Variants in PTPRM observed in about 807,000 individuals in gnomAD.
PTPRM encodes receptor-type tyrosine-protein phosphatase mu.
PTPRM carries 47 observed loss-of-function variants against 186.7 expected under a neutral mutation model. The observed-to-expected ratio is 0.25, with a 90% confidence interval of 0.20 to 0.32. The LOEUF (loss-of-function observed/expected upper bound fraction) is 0.32. Among genes scored for constraint, PTPRM ranks in the 10% least tolerant of loss-of-function variants. The pLI is 1.00. For synonymous variants in PTPRM, 668 were observed against 674.9 expected (o/e 0.99, Z 0.16); for missense variants, 1,494 against 1,865.0 (o/e 0.80, Z 3.66).
At chr18:8,088,190 A>G (rs773111197) in intron 10 of PTPRM, among the ~76,000 whole-genome samples, 1 of 152,140 alleles carries the variant, frequency 6.6e-6, no homozygotes, top group African/African-American at 2.4e-5. Context: ...TTCAGTTCCT[A>G]TGTGTTTTCC....
At chr18:7,927,454 T>C (rs1245306386) in intron 5 of PTPRM, among the ~76,000 whole-genome samples, 1 of 149,420 alleles carries the variant, frequency 6.7e-6, no homozygotes, top group African/African-American at 2.5e-5. Context: ...TCCTTATCTT[T>C]CCGTGTTTTG....
intron 1 of PTPRM, among the ~76,000 whole-genome samples, chr18:7,591,564 A>G (rs2037127036): frequency 6.6e-6 from 1 of 152,228 alleles, no homozygotes; most frequent in Non-Finnish European, 1.5e-5. Context: ...AAAGAGAGAG[A>G]ATATGCAAGC....
chr18:8,019,836 TTAAA>T (rs1280714781), intron 7 of PTPRM, among the ~76,000 whole-genome samples: 6 of 148,554 alleles, frequency 4.0e-5, no homozygotes, highest in Non-Finnish European at 5.9e-5. Flanking sequence ...ATATACTTGT[TTAAA>T]TATATAAATT....
chr18:7,707,328 CT>C (rs976136799), intron 1 of PTPRM, among the ~76,000 whole-genome samples: 1 of 152,022 alleles, frequency 6.6e-6, no homozygotes, highest in African/African-American at 2.4e-5. Context: ...TGCCAGGTAT[CT>C]AAAAATACTC....
chr18:8,281,463 G>A (rs575646163), intron 19 of PTPRM, among the ~76,000 whole-genome samples: 33 of 152,252 alleles, frequency 2.2e-4, no homozygotes, highest in East Asian at 1.5e-3. Flanking sequence ...AATCTGTGCC[G>A]TGCAGTAGGA....
intron 7 of PTPRM, among the ~76,000 whole-genome samples, chr18:8,035,674 A>T (rs1188043398): frequency 6.6e-6 from 1 of 151,724 alleles, no homozygotes; most frequent in Admixed American, 6.6e-5. Context: ...AAGAGGACAG[A>T]TCCCATGTTA....
At chr18:7,613,687 T>A (rs866084678) in intron 1 of PTPRM, among the ~76,000 whole-genome samples, 35 of 149,868 alleles carry the variant, frequency 2.3e-4, no homozygotes, top group African/African-American at 7.8e-4. Context: ...AAAAAAAAAA[T>A]ACCCTGAGAG....
intron 5 of PTPRM, among the ~76,000 whole-genome samples, chr18:7,932,066 A>C (rs1423616614): frequency 6.6e-6 from 1 of 152,216 alleles, no homozygotes; most frequent in Non-Finnish European, 1.5e-5. Context: ...AGGTTCCTGC[A>C]TTCCTTACTC....
intron 20 of PTPRM, among the ~76,000 whole-genome samples, chr18:8,298,962 A>T (rs563964934): frequency 2.0e-4 from 31 of 152,286 alleles, no homozygotes; most frequent in African/African-American, 7.2e-4. Flanking sequence ...AAAAAATTTT[A>T]AAAATTAGTT....
chr18:7,882,705 G>A (rs753590527), intron 2 of PTPRM, among the ~76,000 whole-genome samples: 9 of 152,230 alleles, frequency 5.9e-5, no homozygotes, highest in Non-Finnish European at 1.0e-4. Context: ...CTTCCTGCTG[G>A]ATAATGGAAA....
In PTPRM at chr18:8,253,429, T is replaced by A. The variant is rs1321191095; in HGVS notation, c.2754+15T>A. 1.4e-6 allele frequency: 2 copies of A among 1,435,026 alleles called. No homozygotes were observed. Among genetic ancestry groups the A allele is most frequent in the Non-Finnish European group, 1.8e-6 (2 of 1,085,994 alleles). The allele number at this position is 1,435,026 out of a possible 1,614,324, so 88.9% of individuals were successfully genotyped here. The stretch of plus-strand genomic sequence containing the variant: ...AGGAATACGAGGTGAGCACAAGCTC[T>A]GTGCCAGGGCTTTCCCATTCCTTCT... On this transcript the variant is annotated intron_variant, in intron 19 of 32. Transcript: ENST00000580170.
chr18:7,759,666 T>C (rs1254503880), intron 1 of PTPRM, among the ~76,000 whole-genome samples: 1 of 152,216 alleles, frequency 6.6e-6, no homozygotes, highest in Non-Finnish European at 1.5e-5. Flanking sequence ...TCCTTACTTG[T>C]GGATTGTTTA....
At chr18:8,352,622 TTTTTC>T (rs1280881744) in intron 23 of PTPRM, among the ~76,000 whole-genome samples, 1 of 116,230 alleles carries the variant, frequency 8.6e-6, no homozygotes, top group African/African-American at 2.9e-5. Flanking sequence ...GATTTCATTC[TTTTTC>T]TTTTCTTTTT....
intron 14 of PTPRM, among the ~76,000 whole-genome samples, chr18:8,203,469 A>C (rs2093885558): frequency 6.6e-6 from 1 of 152,222 alleles, no homozygotes; most frequent in Non-Finnish European, 1.5e-5. Context: ...TGATGACTTA[A>C]TGTGGTGCTT....
intron 19 of PTPRM, among the ~76,000 whole-genome samples, chr18:8,291,656 A>G (rs2095044315): frequency 6.6e-6 from 1 of 152,194 alleles, no homozygotes; most frequent in Non-Finnish European, 1.5e-5. Context: ...AGAAAAATGC[A>G]CGGGTGAACA....
intron 1 of PTPRM, among the ~76,000 whole-genome samples, chr18:7,694,625 C>A (rs942014008): frequency 6.6e-6 from 1 of 151,990 alleles, no homozygotes; most frequent in Non-Finnish European, 1.5e-5. Context: ...CAGAGTTTCA[C>A]CAGGTTGTCC....
chr18:7,586,289 AG>A (rs928480645), intron 1 of PTPRM, among the ~76,000 whole-genome samples: 1 of 152,146 alleles, frequency 6.6e-6, no homozygotes, highest in African/African-American at 2.4e-5. Flanking sequence ...TTGGTTAGTC[AG>A]GAGTCCACTA....
At chr18:8,274,060 C>G (rs2094804925) in intron 19 of PTPRM, among the ~76,000 whole-genome samples, 1 of 152,162 alleles carries the variant, frequency 6.6e-6, no homozygotes, top group Admixed American at 6.6e-5. Context: ...AGTACTTCTC[C>G]CAATAGATGG....
At chr18:7,891,029 C>T (rs2049046461) in intron 3 of PTPRM, among the ~76,000 whole-genome samples, 1 of 151,768 alleles carries the variant, frequency 6.6e-6, no homozygotes, top group African/African-American at 2.4e-5. Flanking sequence ...GTAATCCCAG[C>T]ACTTTGGGAG....
Sources: gnomAD v4.1 joint callset for allele counts (sites outside exome capture counted in the v4.1 genomes callset) on GRCh38, gnomAD v4.1.1 for gene constraint, MANE v1.5 for transcripts, NCBI Gene and HGNC (gene_info 2026-07-23, HGNC 2026-07-21) for gene names.